The following SLC19A1 variants were observed in gnomAD, a reference collection of about 807,000 sequenced individuals.
SLC19A1 encodes reduced folate transporter.
SLC19A1 carries 37 observed loss-of-function variants against 35.3 expected under a neutral mutation model. The ratio of observed to expected loss-of-function variants is 1.05; its 90% CI spans 0.81 to 1.38. The LOEUF is 1.38. Among genes scored for constraint, SLC19A1 ranks in the 40% most tolerant of loss-of-function variants. SLC19A1 has a pLI of 0.00. For missense variants in SLC19A1, 831 were observed against 826.9 expected (o/e 1.00, Z -0.06); for synonymous variants, 460 against 398.5 (o/e 1.15, Z -1.84).
At position 45,504,036 on chromosome 21, in the gene SLC19A1, G is replaced by C. The variant is rs2037031424; in HGVS notation, c.498-5424C>G. The C allele has an allele frequency of 1.2e-6, 2 of 1,613,724 alleles. No individual in the cohort carries two copies. The highest frequency in any genetic ancestry group is 1.7e-6 in the Non-Finnish European group (2 of 1,179,984). On this transcript the variant is annotated intron_variant, in intron 3 of 4. Coordinates refer to the SLC19A1 transcript ENST00000417954. ...GGCAGTTTCCGTTTGACTTTCTTCA[G>C]TTGGAGGCTGAAATGAAGGTGGGTG...
At chr21:45,518,105 A>G (rs1182568177) in intron 5 of SLC19A1, among the ~76,000 whole-genome samples, 2 of 152,252 alleles carry the variant, frequency 1.3e-5, no homozygotes, top group Non-Finnish European at 2.9e-5. Flanking sequence ...CACCATAAAA[A>G]TGCTTCAGTG....
At chr21:45,524,864 C>T (rs2077553639) in intron 5 of SLC19A1, among the ~76,000 whole-genome samples, 1 of 151,786 alleles carries the variant, frequency 6.6e-6, no homozygotes, top group African/African-American at 2.4e-5. Flanking sequence ...CCTAAGCGTT[C>T]ACCCCTGGGC....
At position 45,556,509 on chromosome 21, in the gene SLC19A1, T is replaced by G. The variant is rs576569373; in HGVS notation, c.-50+6233A>C. On this transcript the variant is annotated intron_variant, in intron 1 of 5. Coordinates refer to the SLC19A1 transcript ENST00000650808. ...TATGTGAAATCCTGCCTTTCTTAAC[T>G]AATTAAAGACTTAAAATTAGCTAGT... Among the ~76,000 whole-genome samples, 4 of 152,402 alleles carry G rather than the reference T, an allele frequency of 2.6e-5. No individual in the cohort carries two copies. In the East Asian group the frequency reaches 7.7e-4, roughly 29 times the overall value.
Position 45,540,037 on chromosome 21 carries a change from C to T in SLC19A1, c.-49-2029G>A, listed in dbSNP as rs149955546. ...CACTGCCAGGCCGAGGCAGATCTGA[C>T]GGTCGCCTGCCTCGGCCTCACCTTC... On this transcript the variant is annotated intron_variant, in intron 1 of 5. Coordinates refer to ENST00000311124, the MANE Select transcript of SLC19A1 (RefSeq NM_194255.4). This position sits in a 1 kb window ranked among gnomAD's most constrained non-coding sequence, Gnocchi z 5.5. 9.5e-3 allele frequency among the ~76,000 whole-genome samples: 1,439 copies of T among 152,262 alleles called. 14 individuals are homozygous for T. The highest frequency in any genetic ancestry group is 0.032 in the African/African-American group (1,350 of 41,554).
At chr21:45,503,897 C>T in intron 3 of SLC19A1, 1 of 1,065,418 alleles carries the variant, frequency 9.4e-7, no homozygotes, top group Non-Finnish European at 1.5e-6. Flanking sequence ...GCGATCTCTA[C>T]CGCGAAATGG....
chr21:45,529,826 G>A (rs1307269315), intron 4 of SLC19A1, among the ~76,000 whole-genome samples: 1 of 149,350 alleles, frequency 6.7e-6, no homozygotes, highest in Non-Finnish European at 1.5e-5. Context: ...ATGTGAGTGT[G>A]TGGTGTGTCT....
Position 45,515,595 on chromosome 21 carries a change from A to G in SLC19A1, c.*63T>C, listed in dbSNP as rs1381384578. 17 of 1,602,398 alleles carry G rather than the reference A, an allele frequency of 1.1e-5. No homozygotes were observed. Among genetic ancestry groups the G allele is most frequent in the Admixed American group, 6.8e-5 (4 of 58,550 alleles). On this transcript the variant is annotated 3_prime_UTR_variant, in exon 6 of 6. Coordinates refer to ENST00000311124, the MANE Select transcript of SLC19A1 (RefSeq NM_194255.4). ...CCATTGCTAAGGCAGGCGGCCCTCG[A>G]GGCAGGGGTCGTGGGGATGCACTGA... is the stretch of plus-strand genomic sequence containing the variant.
At position 45,519,241 on chromosome 21, in the gene SLC19A1, G is replaced by C. The variant is rs899976296; in HGVS notation, c.1294-3101C>G. Among the ~76,000 whole-genome samples, 9 of 152,044 alleles carry C rather than the reference G, an allele frequency of 5.9e-5. No homozygotes were observed. In the East Asian group the frequency reaches 1.7e-3, roughly 29 times the overall value. On this transcript the variant is annotated intron_variant, in intron 5 of 5. Transcript: ENST00000311124. Reference sequence around the variant, plus strand: ...AAACAAAATTCTAAAGGATGTACAAGTAACCCACTGGAAGCTGCAAAAAAT... The same window carrying C: ...AAACAAAATTCTAAAGGATGTACAACTAACCCACTGGAAGCTGCAAAAAAT...
rs931509053 is a variant in SLC19A1, at chr21:45,515,309, A to G, written c.*349T>C. 8 of 1,464,400 alleles carry G rather than the reference A, an allele frequency of 5.5e-6. No homozygotes were observed. Among genetic ancestry groups the G allele is most frequent in the Non-Finnish European group, 7.1e-6 (8 of 1,120,534 alleles). The allele number at this position is 1,464,400 out of a possible 1,614,324, so 90.7% of individuals were successfully genotyped here. A position where few individuals can be genotyped will look rare whatever the true frequency, so the allele number is the denominator to read the frequency against. On this transcript the variant is annotated 3_prime_UTR_variant, in exon 6 of 6. Transcript: ENST00000311124. ...TGGGGCCAGTGTCCCCTGAGCTGGT[A>G]TCCAAGAGGCCACTTCACTAGCCCT...
At chr21:45,529,693 T>G (rs956463043) in intron 4 of SLC19A1, among the ~76,000 whole-genome samples, 7 of 150,726 alleles carry the variant, frequency 4.6e-5, no homozygotes, top group Admixed American at 4.6e-4. Flanking sequence ...GCATGTGTTG[T>G]GTGTCCGTGT....
At chr21:45,545,394 C>G (rs1461080701), upstream of SLC19A1, among the ~76,000 whole-genome samples, 1 of 151,940 alleles carries the variant, frequency 6.6e-6, no homozygotes, top group Non-Finnish European at 1.5e-5. Context: ...CCCTCCCCTC[C>G]TCCCACTCTT....
chr21:45,528,731 G>T (rs60913781), intron 4 of SLC19A1, among the ~76,000 whole-genome samples: 1 of 152,330 alleles, frequency 6.6e-6, no homozygotes, highest in East Asian at 1.9e-4. Flanking sequence ...AAGAAAAATG[G>T]AAATGGTGAC....
chr21:45,554,808 C>A (rs1455247771), intron 1 of SLC19A1, among the ~76,000 whole-genome samples: 4 of 151,850 alleles, frequency 2.6e-5, no homozygotes, highest in African/African-American at 9.7e-5. Context: ...GAATCTTTCT[C>A]TTACGGTTTC....
Position 45,530,967 on chromosome 21 carries a change from G to A in SLC19A1, c.954C>T (p.Ala318=). The part of the protein sequence containing the change: ...AADAASTLLG[A]ITSFAAGFVK... ...CGAAGCCCGCGGCGAAGGACGTGAT[G>A]GCGCCTGAGAGGGGAGGGATGGGGC... The change falls in exon 4 of 6, where the codon GCC becomes GCT. Residue 318 remains alanine (A), a synonymous_variant. Coordinates refer to ENST00000311124, the MANE Select transcript of SLC19A1 (RefSeq NM_194255.4). This position sits in a 1 kb window ranked among gnomAD's most constrained non-coding sequence, Gnocchi z 5.3. 3 of 1,445,612 alleles carry A rather than the reference G, an allele frequency of 2.1e-6. No individual in the cohort carries two copies. Among genetic ancestry groups the A allele is most frequent in the Non-Finnish European group, 2.7e-6 (3 of 1,102,144 alleles). 89.5% of individuals were successfully genotyped at this position (1,445,612 alleles called of 1,614,324 possible). A position where few individuals can be genotyped will look rare whatever the true frequency, so the allele number is the denominator to read the frequency against.
rs1285400688 is a variant in SLC19A1 at position 45,531,728 on chromosome 21, T to A, written c.610A>T (p.Lys204Ter). 1 of 1,612,836 alleles carries A rather than the reference T, an allele frequency of 6.2e-7. No individual in the cohort carries two copies. The highest frequency in any genetic ancestry group is 1.1e-5 in the South Asian group (1 of 91,060). Reference protein sequence around the residue: ...TFSVVLALFLKRPKRSLFFNR... With the variant: ...TFSVVLALFL Reference sequence around the variant, plus strand: ...AAGAAGAGGCTGCGCTTGGGGCGCTTCAGGAAGAGGGCGAGGACCACGCTG... The same window carrying A: ...AAGAAGAGGCTGCGCTTGGGGCGCTACAGGAAGAGGGCGAGGACCACGCTG... Residue 204 changes from lysine (K) to a stop codon, truncating the protein, a stop_gained, in exon 3 of 6, where the codon AAG becomes TAG. Coordinates refer to ENST00000311124, the MANE Select transcript of SLC19A1 (RefSeq NM_194255.4). LOFTEE classifies it high-confidence loss of function.
chr21:45,527,421 C>CG (rs2077671529), intron 4 of SLC19A1, among the ~76,000 whole-genome samples: 1 of 130,936 alleles, frequency 7.6e-6, no homozygotes, highest in African/African-American at 3.0e-5. Flanking sequence ...TGAGTGGCAG[C>CG]GGGCAGGGTG....
chr21:45,550,921 C>CA (rs1184375924), intron 1 of SLC19A1, among the ~76,000 whole-genome samples: 1 of 105,522 alleles, frequency 9.5e-6, no homozygotes, highest in East Asian at 4.0e-4. Context: ...CCACCCTCCC[C>CA]CCGCCTCCCC....
intron 1 of SLC19A1, among the ~76,000 whole-genome samples, chr21:45,561,525 C>A (rs1315311490): frequency 2.0e-5 from 3 of 152,122 alleles, no homozygotes; most frequent in Non-Finnish European, 4.4e-5. Context: ...CATTGGGAGG[C>A]TGAGGTGGGC....
intron 1 of SLC19A1, among the ~76,000 whole-genome samples, chr21:45,556,902 G>A (rs1280657412): frequency 6.6e-6 from 1 of 151,000 alleles, no homozygotes; most frequent in African/African-American, 2.5e-5. Flanking sequence ...CGGCGACTCA[G>A]ATGCATGTGT....
Sources: gnomAD v4.1 joint callset for allele counts (sites outside exome capture counted in the v4.1 genomes callset) on GRCh38, gnomAD v4.1.1 for gene constraint, Gnocchi (gnomAD v3.1) non-coding constraint, MANE v1.5 for transcripts, NCBI Gene and HGNC (gene_info 2026-07-23, HGNC 2026-07-21) for gene names.